The following GRID1 variants were observed in gnomAD, a reference collection of about 807,000 sequenced individuals.
GRID1 encodes the protein glutamate ionotropic receptor delta type subunit 1, also known as glutamate receptor ionotropic, delta-1.
In GRID1, 28 loss-of-function variants were observed where a neutral mutation model predicts 98.0. That is an observed-to-expected ratio of 0.29 (90% CI 0.21 to 0.39). The LOEUF (loss-of-function observed/expected upper bound fraction) is 0.39. Ranked by LOEUF, GRID1 falls within the 10% of genes least tolerant of loss-of-function variation. The pLI, the probability that GRID1 is intolerant of heterozygous loss-of-function variation, is 1.00. For missense variants in GRID1, 1,111 were observed against 1,340.5 expected (o/e 0.83, Z 2.67); for synonymous variants, 553 against 538.5 (o/e 1.03, Z -0.37).
intron 8 of GRID1, among the ~76,000 whole-genome samples, chr10:85,853,799 T>C (rs17105907): frequency 0.056 from 8,528 of 152,272 alleles, 322 homozygotes; most frequent in Non-Finnish European, 0.081. Context: ...CTTTGTGTCA[T>C]GAGTCCACTT....
intron 2 of GRID1, among the ~76,000 whole-genome samples, chr10:86,225,638 G>C (rs565940716): frequency 1.3e-5 from 2 of 152,252 alleles, no homozygotes; most frequent in East Asian, 3.9e-4. Flanking sequence ...CTGCCCTGGA[G>C]GGGGACCAAG....
chr10:85,615,096 C>G (rs2132516142), intron 14 of GRID1, among the ~76,000 whole-genome samples: 1 of 152,292 alleles, frequency 6.6e-6, no homozygotes, highest in Non-Finnish European at 1.5e-5. Flanking sequence ...GACCTGCATT[C>G]CAGGTCAGCT....
intron 4 of GRID1, among the ~76,000 whole-genome samples, chr10:85,955,651 G>T (rs1384819263): frequency 6.6e-6 from 1 of 152,200 alleles, no homozygotes; most frequent in East Asian, 1.9e-4. Flanking sequence ...AGGGTTCAAT[G>T]GGTCAGAAAG....
At chr10:86,255,080 G>A (rs1003598993) in intron 2 of GRID1, among the ~76,000 whole-genome samples, 9 of 152,128 alleles carry the variant, frequency 5.9e-5, no homozygotes, top group African/African-American at 1.2e-4. Flanking sequence ...TGTGTCTCCT[G>A]CTCCATGGGC....
intron 8 of GRID1, among the ~76,000 whole-genome samples, chr10:85,832,326 A>T (rs1842874012): frequency 6.6e-6 from 1 of 152,150 alleles, no homozygotes; most frequent in Admixed American, 6.5e-5. Flanking sequence ...AGCATTCAAT[A>T]GTCTTAATAA....
intron 15 of GRID1, among the ~76,000 whole-genome samples, chr10:85,612,755 A>G (rs922785819): frequency 5.9e-5 from 9 of 152,056 alleles, no homozygotes; most frequent in African/African-American, 2.2e-4. Context: ...AAATTTAAAA[A>G]AGAGCTTGCA....
At chr10:85,868,643 A>T (rs1843246194) in intron 6 of GRID1, among the ~76,000 whole-genome samples, 1 of 152,140 alleles carries the variant, frequency 6.6e-6, no homozygotes, top group South Asian at 2.1e-4. Context: ...AAGAACCTAA[A>T]ACAGGTTCAA....
At position 85,915,926 on chromosome 10, in the gene GRID1, C is replaced by T. The variant is rs1239967708; in HGVS notation, c.780+260G>A. 3.3e-5 allele frequency among the ~76,000 whole-genome samples: 5 copies of T among 152,300 alleles called. No homozygotes were observed. The East Asian group carries it at 9.6e-4, about 29-fold the overall frequency. ...GGCTGCCTCACCTCACCTAGCACAC[C>T]TCATCCCTGCCACCACTGCCCTCTG... On this transcript the variant is annotated intron_variant, in intron 5 of 15. Coordinates refer to ENST00000327946, the MANE Select transcript of GRID1 (RefSeq NM_017551.3).
intron 2 of GRID1, among the ~76,000 whole-genome samples, chr10:86,233,609 A>T (rs1307096107): frequency 6.6e-6 from 1 of 152,116 alleles, no homozygotes; most frequent in Non-Finnish European, 1.5e-5. Context: ...GTGGTAGAGG[A>T]GGTCACCCCT....
chr10:86,021,487 C>A (rs1028197133), intron 4 of GRID1, among the ~76,000 whole-genome samples: 2 of 152,054 alleles, frequency 1.3e-5, no homozygotes, highest in African/African-American at 4.8e-5. Context: ...GTTTTTCTTA[C>A]TCTTTTCTTC....
At chr10:86,032,927 G>A (rs1021217196) in intron 4 of GRID1, among the ~76,000 whole-genome samples, 1 of 149,722 alleles carries the variant, frequency 6.7e-6, no homozygotes, top group Admixed American at 6.6e-5. Flanking sequence ...ATTTCTATCA[G>A]GTTTTTAAAG....
intron 3 of GRID1, among the ~76,000 whole-genome samples, chr10:86,193,742 T>G (rs572311767): frequency 6.6e-6 from 1 of 151,904 alleles, no homozygotes; most frequent in Non-Finnish European, 1.5e-5. Context: ...TCAGAATCCC[T>G]CCTTTCTGAA....
intron 8 of GRID1, among the ~76,000 whole-genome samples, chr10:85,795,644 C>T (rs962991641): frequency 7.2e-5 from 11 of 152,112 alleles, no homozygotes; most frequent in African/African-American, 2.2e-4. Flanking sequence ...AACAGGAAGA[C>T]AGAAAACAGG....
chr10:85,606,307 A>G (rs1456368794), intron 15 of GRID1: 1 of 152,226 alleles, frequency 6.6e-6, no homozygotes, highest in Non-Finnish European at 1.5e-5. Flanking sequence ...CCAAATGGAC[A>G]AACGTTCCAG....
chr10:85,989,896 A>G (rs1167882486), intron 4 of GRID1, among the ~76,000 whole-genome samples: 2 of 152,236 alleles, frequency 1.3e-5, no homozygotes, highest in East Asian at 3.8e-4. Flanking sequence ...TTAGTTAAAG[A>G]GAGTGTATCC....
chr10:85,980,929 A>C (rs1399882486), intron 4 of GRID1, among the ~76,000 whole-genome samples: 1 of 152,352 alleles, frequency 6.6e-6, no homozygotes, highest in East Asian at 1.9e-4. Flanking sequence ...TTATGAATAC[A>C]TAAATGTCTA....
intron 12 of GRID1, among the ~76,000 whole-genome samples, chr10:85,648,846 G>C (rs1185379770): frequency 6.6e-6 from 1 of 152,210 alleles, no homozygotes; most frequent in Non-Finnish European, 1.5e-5. Context: ...GGCAGCATGA[G>C]CTCACCGGGA....
chr10:85,669,139 T>C (rs761934113), intron 12 of GRID1, among the ~76,000 whole-genome samples: 2 of 152,240 alleles, frequency 1.3e-5, no homozygotes, highest in Non-Finnish European at 2.9e-5. Flanking sequence ...TTGTCTTCCA[T>C]GTCCAACGGC....
intron 12 of GRID1, among the ~76,000 whole-genome samples, chr10:85,684,569 T>C (rs890691292): frequency 6.6e-5 from 10 of 152,216 alleles, no homozygotes; most frequent in Non-Finnish European, 1.3e-4. Flanking sequence ...CTTAGCTTCA[T>C]AGAAATGAAA....
Sources: allele counts gnomAD v4.1 joint callset (sites outside exome capture counted in the v4.1 genomes callset), GRCh38; gene constraint gnomAD v4.1.1; transcripts MANE v1.5; gene names NCBI Gene and HGNC (gene_info 2026-07-23, HGNC 2026-07-21).